FBXO41: variants seen among roughly 807,000 people sequenced by gnomAD.
FBXO41 encodes the protein F-box protein 41.
Under a neutral mutation model 81.6 loss-of-function variants are expected in FBXO41, and 33 were observed. The observed-to-expected ratio is 0.40, with a 90% CI of 0.31 to 0.54. FBXO41 has a LOEUF of 0.54. FBXO41 is among the 20% of genes least tolerant of loss of function. The pLI is 0.39. For synonymous variants in FBXO41, 576 were observed against 552.7 expected (o/e 1.04, Z -0.59); for missense variants, 1,107 against 1,236.0 (o/e 0.90, Z 1.56).
chr2:73,270,267 G>A (rs1688451760), intron 1 of FBXO41, among the ~76,000 whole-genome samples: 1 of 152,158 alleles, frequency 6.6e-6, no homozygotes, highest in Non-Finnish European at 1.5e-5. Flanking sequence ...GGGGCTACAT[G>A]GACTAGGAAG....
rs1213267021 is a variant in FBXO41, at chr2:73,256,807, TC to T, written c.*2174del. On this transcript the variant is annotated 3_prime_UTR_variant, in exon 13 of 13. Coordinates refer to ENST00000520530, the MANE Select transcript of FBXO41 (RefSeq NM_001371389.2). The stretch of plus-strand genomic sequence containing the variant: ...AGCTCACTACCCATACACCCCAACC[TC>T]CTTTCTAGGGCTAATGCCAGGCATT... 2.6e-5 allele frequency: 4 copies of T among 152,538 alleles called. No individual in the cohort carries two copies. Among genetic ancestry groups the T allele is most frequent in the Non-Finnish European group, 4.4e-5 (3 of 68,054 alleles). 9.4% of individuals were successfully genotyped at this position (152,538 alleles called of 1,614,324 possible). A position where few individuals can be genotyped will look rare whatever the true frequency, so the allele number is the denominator to read the frequency against.
chr2:73,277,585 CA>C (rs56901392), intron 1 of FBXO41, among the ~76,000 whole-genome samples: 21,337 of 152,120 alleles, frequency 0.14, 1,858 homozygotes, highest in East Asian at 0.43. Context: ...TACTCTCTTT[CA>C]AGTCCTCATC....
Position 73,259,415 on chromosome 2 carries a change from G to A in FBXO41, c.2450-119C>T. The A allele has an allele frequency of 1.2e-6, 1 of 857,480 alleles. No individual in the cohort carries two copies. The highest frequency in any genetic ancestry group is 1.7e-5 in the African/African-American group (1 of 60,350). 53.1% of individuals were successfully genotyped at this position (857,480 alleles called of 1,614,324 possible). On this transcript the variant is annotated intron_variant, in intron 11 of 12. Coordinates refer to ENST00000520530, the MANE Select transcript of FBXO41 (RefSeq NM_001371389.2). The surrounding 1 kb of genome is among the most constrained non-coding windows in gnomAD (Gnocchi z 4.2). ...TGCCAGCTACCGGGAACACGACAGA[G>A]GAGAGCAGACTCATGCCACCTGGGG...
chr2:73,265,922 C>T lies in FBXO41; in HGVS notation c.1176G>A (p.Val392=). ...VGPAVPNTYA[V]SRHGSSPSTG... ...TGCTCGGAGAGGAGCCATGCCGTGA[C>T]ACTGCATATGTGTTAGGCACGGCCG... Residue 392 remains valine (V), a synonymous_variant, in exon 4 of 13, where the codon GTG becomes GTA. Coordinates refer to ENST00000520530, the MANE Select transcript of FBXO41 (RefSeq NM_001371389.2). The T allele has an allele frequency of 6.3e-7, 1 of 1,588,040 alleles. No homozygotes were observed. Among genetic ancestry groups the T allele is most frequent in the Non-Finnish European group, 8.6e-7 (1 of 1,167,078 alleles).
At chr2:73,262,082 G>A (rs1055418400) in intron 9 of FBXO41, among the ~76,000 whole-genome samples, 2 of 152,216 alleles carry the variant, frequency 1.3e-5, no homozygotes, top group South Asian at 2.1e-4. Context: ...AATTAGCTGG[G>A]CATGGTGGCC....
chr2:73,267,140 G>A (rs1391373668), intron 2 of FBXO41, among the ~76,000 whole-genome samples: 7 of 151,860 alleles, frequency 4.6e-5, no homozygotes, highest in Non-Finnish European at 8.8e-5. Context: ...ACACTCCTAG[G>A]CACACACTTA....
chr2:73,266,732 C>T lies in FBXO41; in HGVS notation c.906-50G>A, dbSNP rs758360747. ...CCAGAGCCTCAGCCTGCCTGCCCACCCACCCTCTGGAGGAGAGCCTGGCCA... is the reference window on the plus strand; with the variant it reads ...CCAGAGCCTCAGCCTGCCTGCCCACTCACCCTCTGGAGGAGAGCCTGGCCA... On this transcript the variant is annotated intron_variant, in intron 2 of 12. Transcript: ENST00000520530. This position sits in a 1 kb window ranked among gnomAD's most constrained non-coding sequence, Gnocchi z 5.3. 14 of 1,490,596 alleles carry T rather than the reference C, an allele frequency of 9.4e-6. No homozygotes were observed. The highest frequency in any genetic ancestry group is 4.0e-5 in the South Asian group (3 of 74,654). 92.3% of individuals were successfully genotyped at this position (1,490,596 alleles called of 1,614,324 possible).
rs1244619170 is a variant in FBXO41, at chr2:73,263,228, GC to G, written c.2155del (p.Ala719HisfsTer19). ...CAGGGCTCACCAGGGGTGAAGTGGT[GC>G]CACTTGGAGGGAGACGATCTCTCTG... Reference protein sequence around the residue: ...GCREIVSLQVAPLHPCQQPTR... With the variant: ...GCREIVSLQVXPLHPCQQPTR... On this transcript the variant is annotated frameshift_variant, in exon 9 of 13. Transcript: ENST00000520530. LOFTEE classifies it high-confidence loss of function. 1 of 1,556,156 alleles carries G rather than the reference GC, an allele frequency of 6.4e-7. No individual in the cohort carries two copies. Among genetic ancestry groups the G allele is most frequent in the Non-Finnish European group, 8.7e-7 (1 of 1,149,614 alleles).
intron 5 of FBXO41, among the ~76,000 whole-genome samples, chr2:73,265,061 TG>T (rs753994623): frequency 6.6e-5 from 10 of 152,074 alleles, no homozygotes; most frequent in Non-Finnish European, 1.2e-4. Context: ...ACCACGTGAA[TG>T]GCCCCCCTGC....
chr2:73,283,208 T>G (rs1221714416), intron 1 of FBXO41, among the ~76,000 whole-genome samples: 1 of 152,178 alleles, frequency 6.6e-6, no homozygotes, highest in Admixed American at 6.5e-5. Flanking sequence ...GAATGTCCAC[T>G]GCCTCTATAA....
At chr2:73,265,731 C>T in intron 4 of FBXO41, 91 bp from the exon 5 acceptor site, 1 of 1,426,692 alleles carries the variant, frequency 7.0e-7, no homozygotes, top group Non-Finnish European at 9.3e-7. Context: ...TGAGGGCAAC[C>T]CACCCGCCCT....
chr2:73,259,389 G>T lies in FBXO41; in HGVS notation c.2450-93C>A, dbSNP rs559266394. 107 of 1,085,384 alleles carry T rather than the reference G, an allele frequency of 9.9e-5. 2 individuals are homozygous for T. The South Asian group carries it at 1.0e-3, about 10-fold the overall frequency. The allele number at this position is 1,085,384 out of a possible 1,614,324, so 67.2% of individuals were successfully genotyped here. On this transcript the variant is annotated intron_variant, in intron 11 of 12. Transcript: ENST00000520530. The surrounding 1 kb of genome is among the most constrained non-coding windows in gnomAD (Gnocchi z 4.2). ...CTAATTAATGAAATCAGACAATCAGGTGCCAGCTACCGGGAACACGACAGA... is the reference window on the plus strand; with the variant it reads ...CTAATTAATGAAATCAGACAATCAGTTGCCAGCTACCGGGAACACGACAGA...
Position 73,265,544 on chromosome 2 carries a change from G to A in FBXO41, c.1302C>T (p.Asp434=), listed in dbSNP as rs960352157. The A allele has an allele frequency of 5.7e-6, 9 of 1,588,106 alleles. No homozygotes were observed. The African/African-American group carries it at 1.2e-4, about 21-fold the overall frequency. ...GTGTGCCCAAGCCCCCAGGGCCACTGTCCTCAGGGGCCCCCTCCTCTGGCC... is the reference window on the plus strand; with the variant it reads ...GTGTGCCCAAGCCCCCAGGGCCACTATCCTCAGGGGCCCCCTCCTCTGGCC... The part of the protein sequence containing the change: ...LPRPEEGAPE[D]SGPGGLGTRA... The change falls in exon 5 of 13, where the codon GAC becomes GAT. Residue 434 remains aspartate (D), a synonymous_variant. Transcript: ENST00000520530.
chr2:73,268,277 G>A (rs1272931562), intron 2 of FBXO41, among the ~76,000 whole-genome samples: 2 of 141,350 alleles, frequency 1.4e-5, no homozygotes, highest in African/African-American at 4.9e-5. Context: ...ACAAATACAA[G>A]GAGTTTTCTG....
At chr2:73,280,768 C>T (rs138101665) in intron 1 of FBXO41, among the ~76,000 whole-genome samples, 101 of 152,346 alleles carry the variant, frequency 6.6e-4, no homozygotes, top group African/African-American at 2.4e-3. Flanking sequence ...TACTGATAAT[C>T]ATGGACATGT....
Position 73,264,065 on chromosome 2 carries a change from G to T in FBXO41, c.1807-12C>A, listed in dbSNP as rs1005604518. On this transcript the variant is annotated splice_polypyrimidine_tract_variant and intron_variant, in intron 6 of 12. Coordinates refer to ENST00000520530, the MANE Select transcript of FBXO41 (RefSeq NM_001371389.2). ...AGCATTGCCAGGAACTGTGGGGGAGGGGAAGGACATTTGGAGATGAAGGGG... is the reference window on the plus strand; with the variant it reads ...AGCATTGCCAGGAACTGTGGGGGAGTGGAAGGACATTTGGAGATGAAGGGG... The T allele has an allele frequency of 6.3e-6, 10 of 1,578,556 alleles. No individual in the cohort carries two copies. Among genetic ancestry groups the T allele is most frequent in the Admixed American group, 1.8e-5 (1 of 54,358 alleles).
Position 73,259,562 on chromosome 2 carries a change from CAG to C in FBXO41, c.2450-268_2450-267del, listed in dbSNP as rs1314742492. ...AAAGCCTCTAGGAACTTCCCTGACACAGGGGGCAGCTATACCATGGTCTGGGC... is the reference window on the plus strand; with the variant it reads ...AAAGCCTCTAGGAACTTCCCTGACACGGGGCAGCTATACCATGGTCTGGGC... On this transcript the variant is annotated intron_variant, in intron 11 of 12. Coordinates refer to ENST00000520530, the MANE Select transcript of FBXO41 (RefSeq NM_001371389.2). This position sits in a 1 kb window ranked among gnomAD's most constrained non-coding sequence, Gnocchi z 4.2. Among the ~76,000 whole-genome samples, 3 of 152,082 alleles carry C rather than the reference CAG, an allele frequency of 2.0e-5. No individual in the cohort carries two copies. The highest frequency in any genetic ancestry group is 4.8e-5 in the African/African-American group (2 of 41,386).
Position 73,266,489 on chromosome 2 carries a change from C to T in FBXO41, c.1099G>A (p.Ala367Thr). 6.4e-7 allele frequency: 1 copy of T among 1,570,318 alleles called. No homozygotes were observed. Among genetic ancestry groups the T allele is most frequent in the Non-Finnish European group, 8.6e-7 (1 of 1,158,034 alleles). The change falls in exon 3 of 13, where the codon GCT becomes ACT. Residue 367 changes from alanine to threonine, a missense_variant. Around this residue, in one of 2 missense-constraint regions of FBXO41, gnomAD observed 771 missense variants for 789.2 expected, o/e 0.98. Coordinates refer to ENST00000520530, the MANE Select transcript of FBXO41 (RefSeq NM_001371389.2). The surrounding 1 kb of genome is among the most constrained non-coding windows in gnomAD (Gnocchi z 5.3). ...SLGRGGGGGGAGPNARGPGRM... is the reference protein window; with the variant it reads ...SLGRGGGGGGTGPNARGPGRM... ...CCTGGGCCCCGGGCATTGGGTCCAG[C>T]ACCACCGCCCCCACCTCCACGGCCC...
Position 73,268,934 on chromosome 2 carries a change from G to C in FBXO41, c.697C>G (p.Gln233Glu). ...AGCTCGGCCTGCAGCCGGCCCACCT[G>C]GCCCGCGATCTTCTGCTCCACCTCC... Reference protein sequence around the residue: ...SEEVEQKIAGQVGRLQAELER... With the variant: ...SEEVEQKIAGEVGRLQAELER... Residue 233 changes from glutamine to glutamate, a missense_variant, in exon 2 of 13, where the codon CAG becomes GAG. Gln to Glu is a conservative substitution (Grantham distance 29). Coordinates refer to ENST00000520530, the MANE Select transcript of FBXO41 (RefSeq NM_001371389.2). The C allele has an allele frequency of 2.6e-6, 4 of 1,540,278 alleles. No homozygotes were observed. The highest frequency in any genetic ancestry group is 3.5e-6 in the Non-Finnish European group (4 of 1,146,290).
Sources: allele counts gnomAD v4.1 joint callset (sites outside exome capture counted in the v4.1 genomes callset), GRCh38; gene constraint gnomAD v4.1.1; regional missense constraint gnomAD v4.1.1; non-coding constraint Gnocchi (gnomAD v3.1); transcripts MANE v1.5; gene names NCBI Gene and HGNC (gene_info 2026-07-23, HGNC 2026-07-21).